TEX11: variants seen among roughly 807,000 people sequenced by gnomAD.
TEX11 encodes the protein testis-expressed protein 11.
Under a neutral mutation model 84.4 loss-of-function variants are expected in TEX11, and 7 were observed. That is an observed-to-expected ratio of 0.08 (90% CI 0.05 to 0.16). TEX11 has a LOEUF of 0.16. Among genes scored for constraint, TEX11 ranks in the 10% least tolerant of loss-of-function variants. The probability of loss-of-function intolerance (pLI) is 1.00; values close to 1 mark genes in which losing one functional copy is unlikely to be tolerated. For synonymous variants in TEX11, 264 were observed against 222.8 expected, an observed-to-expected ratio of 1.18 and a Z score of -1.64; for missense variants, 551 against 660.5, an observed-to-expected ratio of 0.83 and a Z score of 1.82.
intron 3 of TEX11, among the ~76,000 whole-genome samples, chrX:70,875,280 A>G (rs985398350): frequency 1.8e-5 from 2 of 111,349 alleles, no homozygotes; most frequent in Non-Finnish European, 1.9e-5. Context: ...GAAATAGATG[A>G]AAATGTGTGG....
chrX:70,897,667 A>G (rs1340791076), intron 2 of TEX11: 72 of 62,202 alleles, frequency 1.2e-3, no homozygotes, highest in African/African-American at 2.9e-3. Context: ...AAGGAAGGAA[A>G]ACAAAGAAAG....
intron 15 of TEX11, among the ~76,000 whole-genome samples, chrX:70,672,693 CT>C (rs1323205393): frequency 2.7e-5 from 3 of 111,430 alleles, no homozygotes; most frequent in Non-Finnish European, 5.7e-5. Context: ...AATTGTTTTT[CT>C]TTGTACATTG....
chrX:70,631,901 T>C (rs1373429614), intron 17 of TEX11, among the ~76,000 whole-genome samples: 1 of 77,335 alleles, frequency 1.3e-5, no homozygotes, highest in Admixed American at 1.6e-4. Context: ...GCTCAAGTAA[T>C]TGTTGATACA....
intron 25 of TEX11, among the ~76,000 whole-genome samples, chrX:70,562,805 T>C (rs1444277792): frequency 8.9e-6 from 1 of 112,494 alleles, no homozygotes. Flanking sequence ...TTCTCTCATG[T>C]TACCCCTTTA....
chrX:70,684,893 C>T (rs1441803186), intron 13 of TEX11, among the ~76,000 whole-genome samples: 1 of 111,558 alleles, frequency 9.0e-6, no homozygotes, highest in Non-Finnish European at 1.9e-5. Flanking sequence ...TTTCTGATTT[C>T]AAATTATACT....
At chrX:70,780,667 G>A (rs2091033037) in intron 9 of TEX11, among the ~76,000 whole-genome samples, 1 of 112,743 alleles carries the variant, frequency 8.9e-6, no homozygotes, top group South Asian at 3.6e-4. Flanking sequence ...CTCGTGCCTG[G>A]CTTGGAGGGT....
chrX:70,751,697 A>C (rs1186128349), intron 9 of TEX11, among the ~76,000 whole-genome samples: 2 of 112,143 alleles, frequency 1.8e-5, no homozygotes, highest in Non-Finnish European at 3.8e-5. Flanking sequence ...GCTATCTTTC[A>C]AAATTAAGAG....
chrX:70,823,166 A>T (rs375444824), intron 8 of TEX11, among the ~76,000 whole-genome samples: 1 of 111,779 alleles, frequency 8.9e-6, no homozygotes, highest in Admixed American at 9.6e-5. Flanking sequence ...CAAATACTAC[A>T]TGATCTCACT....
intron 17 of TEX11, among the ~76,000 whole-genome samples, chrX:70,648,704 G>C (rs1394233646): frequency 9.0e-6 from 1 of 110,982 alleles, no homozygotes; most frequent in African/African-American, 3.3e-5. Context: ...CTAAATTTTT[G>C]TTCTTTTTTA....
rs1480104374 is a variant in TEX11, at chrX:70,529,150, C to T, written c.2723G>A (p.Ser908Asn). ...ATGAAAAACTGGGCCCTTGTTGTTA[C>T]TCAATGCTTCCACAAGCTGACTATA... Reference protein sequence around the residue: ...MLYSQLVEALSNNKGPVFHEH... With the variant: ...MLYSQLVEALNNNKGPVFHEH... The change falls in exon 30 of 30, where the codon AGT (serine) becomes AAT (asparagine). Residue 908 changes from serine to asparagine, a missense_variant. Transcript: ENST00000374333. 3.3e-5 allele frequency: 40 copies of T among 1,207,930 alleles called. No homozygotes were observed. Among genetic ancestry groups the T allele is most frequent in the Non-Finnish European group, 4.4e-5 (39 of 893,816 alleles).
chrX:70,637,959 C>T (rs1251297451), intron 17 of TEX11, among the ~76,000 whole-genome samples: 1 of 109,800 alleles, frequency 9.1e-6, no homozygotes, highest in African/African-American at 3.3e-5. Flanking sequence ...AAAAAAAGAT[C>T]TTCCTCAATA....
chrX:70,585,839 G>T (rs1020373491), intron 25 of TEX11, among the ~76,000 whole-genome samples: 4 of 112,163 alleles, frequency 3.6e-5, no homozygotes, highest in African/African-American at 1.3e-4. Flanking sequence ...GATCACCTGA[G>T]GTCAGGAGTT....
intron 4 of TEX11, among the ~76,000 whole-genome samples, chrX:70,867,052 G>A (rs759954126): frequency 2.9e-4 from 32 of 111,647 alleles, no homozygotes; most frequent in Admixed American, 2.5e-3. Flanking sequence ...GAAATAAAGC[G>A]TATTCAATTA....
At chrX:70,750,921 TA>T (rs1181422597) in intron 9 of TEX11, among the ~76,000 whole-genome samples, 747 of 35,281 alleles carry the variant, frequency 0.021, 19 homozygotes, top group African/African-American at 0.061. Context: ...TAAAGTATAA[TA>T]AAAAAAAAAA....
intron 2 of TEX11, among the ~76,000 whole-genome samples, chrX:70,894,320 A>G (rs966741700): frequency 4.5e-5 from 5 of 110,834 alleles, no homozygotes; most frequent in Admixed American, 1.9e-4. Context: ...TGATGCAAAA[A>G]TCCTTAATAA....
intron 25 of TEX11, among the ~76,000 whole-genome samples, chrX:70,583,090 CTATT>C (rs1394365023): frequency 9.0e-6 from 1 of 110,717 alleles, no homozygotes; most frequent in Non-Finnish European, 1.9e-5. Flanking sequence ...ACTCATGATC[CTATT>C]TATTTATTTT....
intron 9 of TEX11, among the ~76,000 whole-genome samples, chrX:70,759,698 C>T (rs913186532): frequency 1.2e-4 from 13 of 111,176 alleles, no homozygotes; most frequent in Admixed American, 3.8e-4. Context: ...CTTTGAAAAC[C>T]GGCACAAGAC....
chrX:70,877,471 G>T (rs1328134750), intron 3 of TEX11, among the ~76,000 whole-genome samples: 1 of 111,286 alleles, frequency 9.0e-6, no homozygotes, highest in Non-Finnish European at 1.9e-5. Context: ...ACAGTATGGT[G>T]GTTCCTCAAA....
At chrX:70,837,093 T>TA (rs201191955) in intron 7 of TEX11, among the ~76,000 whole-genome samples, 2,147 of 107,231 alleles carry the variant, frequency 0.02, 38 homozygotes, top group African/African-American at 0.069. Flanking sequence ...TGGCAGTTTC[T>TA]AAAAAAAAAA....
Sources: gnomAD v4.1 joint callset for allele counts (sites outside exome capture counted in the v4.1 genomes callset) on GRCh38, gnomAD v4.1.1 for gene constraint, MANE v1.5 for transcripts, NCBI Gene and HGNC (gene_info 2026-07-23, HGNC 2026-07-21) for gene names.